The following RFC1 variants were observed in gnomAD, a reference collection of about 807,000 sequenced individuals.
RFC1 encodes the protein replication factor C subunit 1, also known as A1 140 kDa subunit.
Under a neutral mutation model 137.4 loss-of-function variants are expected in RFC1, and 37 were observed. The ratio of observed to expected loss-of-function variants is 0.27; its 90% confidence interval spans 0.21 to 0.35. The LOEUF is 0.35. Ranked by LOEUF, RFC1 falls within the 10% of genes least tolerant of loss-of-function variation. RFC1 has a pLI of 1.00. For missense variants in RFC1, 1,205 were observed against 1,358.5 expected (o/e 0.89, Z 1.78); for synonymous variants, 429 against 455.7 (o/e 0.94, Z 0.75).
chr4:39,299,713 A>G (rs1738243797), intron 21 of RFC1, among the ~76,000 whole-genome samples: 1 of 151,948 alleles, frequency 6.6e-6, no homozygotes. Flanking sequence ...AACAGACTAT[A>G]TTTTTGCCAC....
chr4:39,346,745 G>C (rs1560618649), intron 2 of RFC1, among the ~76,000 whole-genome samples: 1 of 152,104 alleles, frequency 6.6e-6, no homozygotes, highest in Non-Finnish European at 1.5e-5. Flanking sequence ...CTGGATCAAG[G>C]ACAGAGTCAG....
chr4:39,300,422 A>G lies in RFC1; in HGVS notation c.2536-8T>C, dbSNP rs760244009. 2.2e-5 allele frequency: 35 copies of G among 1,612,468 alleles called. No individual in the cohort carries two copies. In the South Asian group the frequency reaches 3.7e-4, roughly 17 times the overall value. On this transcript the variant is annotated splice_polypyrimidine_tract_variant and splice_region_variant and intron_variant, in intron 19 of 24. Transcript: ENST00000349703. Reference sequence around the variant, plus strand: ...GGCAACATCAAATGGGCCCTGAAAAAAGAGAGGGACACACCTATTAGAATG... The same window carrying G: ...GGCAACATCAAATGGGCCCTGAAAAGAGAGAGGGACACACCTATTAGAATG...
chr4:39,295,571 C>A (rs377400055), intron 22 of RFC1, 43 bp downstream of exon 22: 2 of 1,542,000 alleles, frequency 1.3e-6, no homozygotes, highest in Non-Finnish European at 1.8e-6. Flanking sequence ...AGGCCAAATA[C>A]ACCAAATCGA....
At chr4:39,355,474 A>G (rs1741428673) in intron 1 of RFC1, among the ~76,000 whole-genome samples, 1 of 152,154 alleles carries the variant, frequency 6.6e-6, no homozygotes, top group African/African-American at 2.4e-5. Flanking sequence ...GGTTCCTACA[A>G]ATCAATAAAA....
In RFC1 at chr4:39,342,367, A is replaced by G. The variant is rs1371336186; in HGVS notation, c.309T>C (p.Pro103=). The G allele has an allele frequency of 3.1e-6, 5 of 1,613,098 alleles. No homozygotes were observed. The highest frequency in any genetic ancestry group is 4.2e-6 in the Non-Finnish European group (5 of 1,179,414). The part of the protein sequence containing the change: ...SKPGKISRQD[P]VTYISETDEE... ...TACCTGTTTCTGAAATGTATGTAACAGGATCCTGCCGTGAAATTTTACCAG... is the reference window on the plus strand; with the variant it reads ...TACCTGTTTCTGAAATGTATGTAACGGGATCCTGCCGTGAAATTTTACCAG... The change falls in exon 4 of 25, where the codon CCT becomes CCC. Residue 103 remains proline (P), a synonymous_variant. Transcript: ENST00000349703.
intron 10 of RFC1, among the ~76,000 whole-genome samples, chr4:39,313,739 G>T (rs1578127973): frequency 6.6e-6 from 1 of 152,172 alleles, no homozygotes; most frequent in East Asian, 1.9e-4. Context: ...GGAAAGTTTT[G>T]ATTCTAAAAA....
At chr4:39,357,654 T>A (rs1741545154) in intron 1 of RFC1, among the ~76,000 whole-genome samples, 1 of 151,692 alleles carries the variant, frequency 6.6e-6, no homozygotes, top group South Asian at 2.1e-4. Flanking sequence ...TCTTGCACTG[T>A]CGCCCAGGCT....
chr4:39,351,144 G>A (rs17334680), intron 2 of RFC1, among the ~76,000 whole-genome samples: 1 of 150,632 alleles, frequency 6.6e-6, no homozygotes, highest in Admixed American at 6.6e-5. Context: ...CCAGCTACTC[G>A]GGAGACTGAG....
At chr4:39,293,742 G>A (rs528545962) in intron 22 of RFC1, among the ~76,000 whole-genome samples, 1 of 152,070 alleles carries the variant, frequency 6.6e-6, no homozygotes, top group African/African-American at 2.4e-5. Context: ...AAAACAACCC[G>A]GAAGTCCAGG....
chr4:39,320,313 C>A, intron 9 of RFC1, 70 bp downstream of exon 9: 2 of 1,356,270 alleles, frequency 1.5e-6, no homozygotes, highest in Non-Finnish European at 1.9e-6. Context: ...TGTGCCACTG[C>A]ACTCCAACCT....
At chr4:39,348,439 GAAAA>G (rs755697943) in intron 2 of RFC1, among the ~76,000 whole-genome samples, 10 of 107,622 alleles carry the variant, frequency 9.3e-5, no homozygotes, top group Admixed American at 9.0e-4. Flanking sequence ...GAAAAGAAAA[GAAAA>G]GAAAAGAAAA....
chr4:39,318,121 C>G (rs1272073953), intron 9 of RFC1: 5 of 151,662 alleles, frequency 3.3e-5, no homozygotes, highest in Non-Finnish European at 7.4e-5. Flanking sequence ...CGCGCCACTG[C>G]ACTCCAGCCT....
chr4:39,363,886 CAA>C (rs1159272925), intron 1 of RFC1, among the ~76,000 whole-genome samples: 2 of 75,958 alleles, frequency 2.6e-5, no homozygotes, highest in Middle Eastern at 0.012. Flanking sequence ...GCAAGACTCT[CAA>C]AAAAAAAAAA....
At chr4:39,325,435 T>G (rs1166964434) in intron 6 of RFC1, among the ~76,000 whole-genome samples, 1 of 152,282 alleles carries the variant, frequency 6.6e-6, no homozygotes, top group East Asian at 1.9e-4. Flanking sequence ...CAGGCTGGAG[T>G]GCAGTGGCAC....
chr4:39,355,047 A>C (rs1165826500), intron 1 of RFC1, among the ~76,000 whole-genome samples: 2 of 143,282 alleles, frequency 1.4e-5, no homozygotes, highest in Non-Finnish European at 3.0e-5. Context: ...GCCCCTTTGC[A>C]CTCCAGTCTG....
intron 24 of RFC1, 40 bp from the exon 25 acceptor site, chr4:39,288,884 TTA>T (rs1737513442): frequency 8.2e-7 from 1 of 1,219,872 alleles, no homozygotes; most frequent in Non-Finnish European, 1.2e-6. Flanking sequence ...ATAGCTGTGT[TTA>T]TGAGTAAATG....
At chr4:39,349,952 C>T (rs1302267509) in intron 2 of RFC1, among the ~76,000 whole-genome samples, 3 of 152,036 alleles carry the variant, frequency 2.0e-5, no homozygotes, top group Non-Finnish European at 2.9e-5. Context: ...TGCGGTGAGC[C>T]GAGATCGTGC....
chr4:39,317,311 T>C (rs1323815669), intron 9 of RFC1, among the ~76,000 whole-genome samples: 1 of 152,226 alleles, frequency 6.6e-6, no homozygotes, highest in East Asian at 1.9e-4. Context: ...AAAAAGTGTT[T>C]TACTTTAGGA....
chr4:39,289,749 T>G, intron 24 of RFC1, 99 bp downstream of exon 24: 1 of 784,720 alleles, frequency 1.3e-6, no homozygotes, highest in Non-Finnish European at 2.1e-6. Flanking sequence ...AGAAGTATTT[T>G]CAAGTTATTC....
Sources: allele counts gnomAD v4.1 joint callset (sites outside exome capture counted in the v4.1 genomes callset), GRCh38; gene constraint gnomAD v4.1.1; transcripts MANE v1.5; gene names NCBI Gene and HGNC (gene_info 2026-07-23, HGNC 2026-07-21).